The following HSP90AB1 variants were observed in gnomAD, a reference collection of about 807,000 sequenced individuals.
The protein encoded by HSP90AB1 is heat shock protein HSP 90-beta.
HSP90AB1 carries 17 observed loss-of-function variants against 67.8 expected under a neutral mutation model. The ratio of observed to expected loss-of-function variants is 0.25; its 90% CI spans 0.17 to 0.38. The LOEUF (loss-of-function observed/expected upper bound fraction) is 0.38, where lower values mean the gene tolerates loss of function less well. Among genes scored for constraint, HSP90AB1 ranks in the 10% least tolerant of loss-of-function variants. The pLI, the probability that HSP90AB1 is intolerant of heterozygous loss-of-function variation, is 1.00. For missense variants in HSP90AB1, 690 were observed against 899.9 expected (o/e 0.77, Z 2.98); for synonymous variants, 390 against 312.9 (o/e 1.25, Z -2.60).
intron 10 of HSP90AB1, among the ~76,000 whole-genome samples, chr6:44,252,492 TTTC>T (rs759310789): frequency 1.3e-4 from 19 of 151,298 alleles, no homozygotes; most frequent in Non-Finnish European, 2.4e-4. Flanking sequence ...ATACCATCAT[TTTC>T]TTTTTTTTTT....
intron 5 of HSP90AB1, 34 bp downstream of exon 5, chr6:44,250,188 C>A (rs375769496): frequency 5.0e-6 from 8 of 1,613,570 alleles, no homozygotes; most frequent in African/African-American, 4.0e-5. Flanking sequence ...TTACACTTAA[C>A]GTGCAGGATG....
At position 44,253,845 on chromosome 6, in the gene HSP90AB1, T is replaced by TTAAAG. The variant is rs774691448; in HGVS notation, c.*250_*254dup. On this transcript the variant is annotated 3_prime_UTR_variant, in exon 12 of 12. Transcript: ENST00000371646. Reference sequence around the variant, plus strand: ...TTATTTTCTTCATTTTGTTCTGAAATTAAAGTATGCAAAATAAAGAATATG... The same window carrying TTAAAG: ...TTATTTTCTTCATTTTGTTCTGAAATTAAAGTAAAGTATGCAAAATAAAGAATATG... The TTAAAG allele has an allele frequency of 1.2e-5, 9 of 733,716 alleles. No individual in the cohort carries two copies. The highest frequency in any genetic ancestry group is 2.1e-5 in the Non-Finnish European group (8 of 389,460). The allele number at this position is 733,716 out of a possible 1,614,324, so 45.5% of individuals were successfully genotyped here.
intron 10 of HSP90AB1, among the ~76,000 whole-genome samples, chr6:44,252,488 T>TC (rs1780779749): frequency 6.6e-6 from 1 of 151,736 alleles, no homozygotes; most frequent in Non-Finnish European, 1.5e-5. Context: ...TAAAATACCA[T>TC]CATTTTCTTT....
At chr6:44,250,751 T>G (rs570516820) in intron 6 of HSP90AB1, 152 bp downstream of exon 6, 110 of 638,428 alleles carry the variant, frequency 1.7e-4, no homozygotes, top group Admixed American at 5.0e-4. Context: ...TACCCTGTCA[T>G]AGTGAAGTGC....
chr6:44,251,635 CT>C (rs1237258159), intron 8 of HSP90AB1, 27 bp downstream of exon 8: 1 of 1,588,508 alleles, frequency 6.3e-7, no homozygotes, highest in African/African-American at 1.4e-5. Context: ...TGCTTATTCC[CT>C]TTACCACTTT....
intron 1 of HSP90AB1, chr6:44,247,728 C>A (rs1383974281): frequency 3.3e-5 from 5 of 152,274 alleles, no homozygotes; most frequent in Non-Finnish European, 5.9e-5. Flanking sequence ...CTCCCTCCTT[C>A]CAGATCTTTC....
Position 44,249,991 on chromosome 6 carries a change from C to G in HSP90AB1, c.515-30C>G, listed in dbSNP as rs753738472. The G allele has an allele frequency of 6.8e-6, 11 of 1,613,232 alleles. No individual in the cohort carries two copies. In the Admixed American group the frequency reaches 8.3e-5, roughly 12 times the overall value. On this transcript the variant is annotated intron_variant, in intron 4 of 11. Coordinates refer to ENST00000371646, the MANE Select transcript of HSP90AB1 (RefSeq NM_007355.4). ...GTCTCAACTGCATATACTTTTTACC[C>G]TGTTACACGCTTGTAATTGACTCTT... is the stretch of plus-strand genomic sequence containing the variant.
At position 44,250,500 on chromosome 6, in the gene HSP90AB1, G is replaced by A; in HGVS notation, c.858G>A (p.Lys286=). The A allele has an allele frequency of 6.2e-7, 1 of 1,614,050 alleles. No individual in the cohort carries two copies. Among genetic ancestry groups the A allele is most frequent in the Non-Finnish European group, 8.5e-7 (1 of 1,179,922 alleles). Residue 286 remains lysine (K), a synonymous_variant, in exon 6 of 12, where the codon AAG becomes AAA. Transcript: ENST00000371646. ...YIDQEELNKT[K]PIWTRNPDDI... is the part of the protein sequence containing the mutation. ...ATCAGGAAGAACTAAACAAGACCAA[G>A]CCTATTTGGACCAGAAACCCTGATG...
chr6:44,248,072 C>G (rs563891412), intron 1 of HSP90AB1: 1 of 152,406 alleles, frequency 6.6e-6, no homozygotes, highest in Non-Finnish European at 1.5e-5. Flanking sequence ...GATTTAATTG[C>G]TCCTCCGGTG....
In HSP90AB1 at chr6:44,247,127, G is replaced by A. The variant is rs62403868; in HGVS notation, c.-69G>A. 2 of 152,260 alleles carry A rather than the reference G, an allele frequency of 1.3e-5. No individual in the cohort carries two copies. The highest frequency in any genetic ancestry group is 2.9e-5 in the Non-Finnish European group (2 of 68,082). The allele number at this position is 152,260 out of a possible 1,614,324, so 9.4% of individuals were successfully genotyped here. ...TCTCGAGTCACTCCGGCGCAGTGTT[G>A]GGACTGTCTGGGTATCGGAAAGCAA... On this transcript the variant is annotated 5_prime_UTR_variant, in exon 1 of 12. Transcript: ENST00000371646.
In HSP90AB1 at chr6:44,251,543, T is replaced by A; in HGVS notation, c.1249T>A (p.Ser417Thr). 1 of 1,611,520 alleles carries A rather than the reference T, an allele frequency of 6.2e-7. No individual in the cohort carries two copies. Residue 417 changes from serine (S) to threonine (T), a missense_variant, in exon 8 of 12, where the codon TCT becomes ACT. Physicochemically the swap from Ser to Thr is moderately conservative, Grantham distance 58 (BLOSUM62 1). Transcript: ENST00000371646. ...TGTTAAGAAGTGCCTTGAGCTCTTC[T>A]CTGAGCTGGCAGAAGACAAGGAGAA... ...NIVKKCLELF[S>T]ELAEDKENYK...
rs753057368 is a variant in HSP90AB1, at chr6:44,251,825, C to T, written c.1403C>T (p.Ser468Phe). Residue 468 changes from serine to phenylalanine, a missense_variant, in exon 9 of 12, where the codon TCT becomes TTT. Around this residue, in one of 7 missense-constraint regions of HSP90AB1, gnomAD observed 206 missense variants for 221.4 expected, o/e 0.93. Transcript: ENST00000371646. ...HTSQSGDEMTSLSEYVSRMKE... is the reference protein window; with the variant it reads ...HTSQSGDEMTFLSEYVSRMKE... ...TCCCAGTCTGGAGATGAGATGACAT[C>T]TCTGTCAGAGTATGTTTCTCGCATG... 2 of 1,613,084 alleles carry T rather than the reference C, an allele frequency of 1.2e-6. No homozygotes were observed. Among genetic ancestry groups the T allele is most frequent in the Admixed American group, 1.7e-5 (1 of 60,030 alleles).
chr6:44,250,164 G>C lies in HSP90AB1; in HGVS notation c.648+10G>C. ...TCCCATCACCCTTTATGTGAGTATG[G>C]ACTTTTAAATCTTTTACACTTAACG... On this transcript the variant is annotated intron_variant, in intron 5 of 11. Transcript: ENST00000371646. 6.2e-7 allele frequency: 1 copy of C among 1,614,132 alleles called. No homozygotes were observed. The highest frequency in any genetic ancestry group is 8.5e-7 in the Non-Finnish European group (1 of 1,180,008).
In HSP90AB1 at chr6:44,252,032, T is replaced by C; in HGVS notation, c.1496T>C (p.Phe499Ser). 6.2e-7 allele frequency: 1 copy of C among 1,614,142 alleles called. No individual in the cohort carries two copies. Among genetic ancestry groups the C allele is most frequent in the South Asian group, 1.1e-5 (1 of 91,080 alleles). ...AAAGAGCAGGTGGCCAACTCAGCTT[T>C]TGTGGAGCGAGTGCGGAAACGGGGC... is the stretch of plus-strand genomic sequence containing the variant. ...ESKEQVANSA[F>S]VERVRKRGFE... is the part of the protein sequence containing the mutation. The change falls in exon 10 of 12, where the codon TTT becomes TCT. Residue 499 changes from phenylalanine (F) to serine (S), a missense_variant. Physicochemically the swap from Phe to Ser is radical, Grantham distance 155. This residue lies in a region of HSP90AB1 where 206 missense variants were observed against 221.4 expected (regional missense o/e 0.93). Coordinates refer to ENST00000371646, the MANE Select transcript of HSP90AB1 (RefSeq NM_007355.4).
chr6:44,252,612 T>C (rs916399797), intron 10 of HSP90AB1, among the ~76,000 whole-genome samples: 16 of 152,082 alleles, frequency 1.1e-4, no homozygotes, highest in Non-Finnish European at 1.9e-4. Context: ...TCTCCTGCCT[T>C]AGCCTCCTGA....
rs755665642 is a variant in HSP90AB1 at position 44,250,434 on chromosome 6, TAAG to T, written c.801_803del (p.Lys268del). The T allele has an allele frequency of 2.7e-5, 43 of 1,613,770 alleles. No individual in the cohort carries two copies. In the East Asian group the frequency reaches 2.7e-4, roughly 10 times the overall value. On this transcript the variant is annotated inframe_deletion, in exon 6 of 12. Transcript: ENST00000371646. ...ATGAGGAGGATGACAGCGGTAAGGA[TAAG>T]AAGAAGAAAACTAAGAAGATCAAAG... is the stretch of plus-strand genomic sequence containing the variant.
Position 44,253,794 on chromosome 6 carries a change from T to C in HSP90AB1, c.*196T>C, listed in dbSNP as rs748517962. ...TCCCTCTCTACTCTTGACAGCAGGA[T>C]TGGATGTTGTGTATTGTGGTTTATT... On this transcript the variant is annotated 3_prime_UTR_variant, in exon 12 of 12. Coordinates refer to ENST00000371646, the MANE Select transcript of HSP90AB1 (RefSeq NM_007355.4). The C allele has an allele frequency of 1.0e-5, 8 of 774,966 alleles. No individual in the cohort carries two copies. The highest frequency in any genetic ancestry group is 2.7e-5 in the South Asian group (2 of 73,746). 48.0% of individuals were successfully genotyped at this position (774,966 alleles called of 1,614,324 possible). A position where few individuals can be genotyped will look rare whatever the true frequency, so the allele number is the denominator to read the frequency against.
Position 44,250,133 on chromosome 6 carries a change from A to G in HSP90AB1, c.627A>G (p.Ile209Met). The G allele has an allele frequency of 6.2e-7, 1 of 1,614,214 alleles. No homozygotes were observed. Among genetic ancestry groups the G allele is most frequent in the Non-Finnish European group, 8.5e-7 (1 of 1,180,038 alleles). Reference sequence around the variant, plus strand: ...TAGTGAAGAAGCATTCTCAGTTCATAGGCTATCCCATCACCCTTTATGTGA... The same window carrying G: ...TAGTGAAGAAGCATTCTCAGTTCATGGGCTATCCCATCACCCTTTATGTGA... ...KEVVKKHSQFIGYPITLYLEK... is the reference protein window; with the variant it reads ...KEVVKKHSQFMGYPITLYLEK... Residue 209 changes from isoleucine (I) to methionine (M), a missense_variant, in exon 5 of 12, where the codon ATA becomes ATG. This residue lies in a region of HSP90AB1 where 146 missense variants were observed against 143.7 expected (regional missense o/e 1.02). Transcript: ENST00000371646.
intron 10 of HSP90AB1, 91 bp from the exon 11 acceptor site, chr6:44,252,954 C>T: frequency 1.9e-6 from 2 of 1,075,774 alleles, no homozygotes; most frequent in Admixed American, 1.9e-5. Context: ...GGTCTGTCCA[C>T]CTCCTCCCCC....
Sources: allele counts gnomAD v4.1 joint callset (sites outside exome capture counted in the v4.1 genomes callset), GRCh38; gene constraint gnomAD v4.1.1; regional missense constraint gnomAD v4.1.1; transcripts MANE v1.5; gene names NCBI Gene and HGNC (gene_info 2026-07-23, HGNC 2026-07-21).